Variants in MTA3 observed in about 807,000 individuals in gnomAD.
The protein encoded by MTA3 is metastasis-associated protein MTA3.
Under a neutral mutation model 83.5 loss-of-function variants are expected in MTA3, and 34 were observed. The ratio of observed to expected loss-of-function variants is 0.41; its 90% CI spans 0.31 to 0.54. The LOEUF (loss-of-function observed/expected upper bound fraction) is 0.54. Among genes scored for constraint, MTA3 ranks in the 20% least tolerant of loss-of-function variants. The probability of loss-of-function intolerance (pLI) is 0.33; values close to 1 mark genes in which losing one functional copy is unlikely to be tolerated. For missense variants in MTA3, 761 were observed against 726.4 expected, an observed-to-expected ratio of 1.05 and a Z score of -0.55; for synonymous variants, 303 against 252.7, an observed-to-expected ratio of 1.20 and a Z score of -1.89.
At chr2:42,502,651 A>T (rs1212842660) in intron 2 of MTA3, among the ~76,000 whole-genome samples, 1 of 151,940 alleles carries the variant, frequency 6.6e-6, no homozygotes, top group Non-Finnish European at 1.5e-5. Context: ...ATACAAAATT[A>T]GCCGGTGTAG....
intron 14 of MTA3, 69 bp downstream of exon 14, chr2:42,709,165 C>CT (rs752763597): frequency 3.0e-3 from 3,647 of 1,214,380 alleles, no homozygotes; most frequent in Admixed American, 7.0e-3. Context: ...CCTCTCTTTC[C>CT]TTTTTTTTTT....
At chr2:42,555,231 A>G (rs1677321246) in intron 2 of MTA3, among the ~76,000 whole-genome samples, 1 of 151,962 alleles carries the variant, frequency 6.6e-6, no homozygotes, top group Admixed American at 6.6e-5. Flanking sequence ...TGGGAGGCCT[A>G]GGCGGTGGAT....
intron 4 of MTA3, among the ~76,000 whole-genome samples, chr2:42,609,807 A>G (rs1450291169): frequency 6.6e-6 from 1 of 152,168 alleles, no homozygotes; most frequent in African/African-American, 2.4e-5. Context: ...TTTTAATAAC[A>G]GACTTTCCTG....
intron 4 of MTA3, among the ~76,000 whole-genome samples, chr2:42,616,095 T>C (rs1019148016): frequency 1.3e-5 from 2 of 151,782 alleles, no homozygotes; most frequent in African/African-American, 4.8e-5. Flanking sequence ...AGTTTCACTC[T>C]CATCACCCAG....
intron 11 of MTA3, among the ~76,000 whole-genome samples, chr2:42,698,189 T>C (rs1031383993): frequency 6.6e-6 from 1 of 152,218 alleles, no homozygotes; most frequent in Non-Finnish European, 1.5e-5. Context: ...TGCATACTGC[T>C]CTTTGGAGGT....
intron 14 of MTA3, among the ~76,000 whole-genome samples, chr2:42,714,745 G>A (rs1573732748): frequency 1.3e-5 from 2 of 152,176 alleles, no homozygotes; most frequent in African/African-American, 4.8e-5. Context: ...ATGGTTTTGG[G>A]ATGAAACTGT....
At chr2:42,547,451 G>T (rs541164014) in intron 2 of MTA3, among the ~76,000 whole-genome samples, 4 of 152,326 alleles carry the variant, frequency 2.6e-5, no homozygotes, top group Non-Finnish European at 5.9e-5. Context: ...CCTCAGCCTC[G>T]TAAGTAGTAG....
chr2:42,535,636 GGAA>G (rs1360009890), intron 2 of MTA3, among the ~76,000 whole-genome samples: 1 of 152,166 alleles, frequency 6.6e-6, no homozygotes, highest in African/African-American at 2.4e-5. Context: ...AGAGAGGGTG[GGAA>G]GTGCCTTTTA....
In MTA3 at chr2:42,755,665, T is replaced by TCTGTGC; in HGVS notation, c.*2269_*2274dup. Reference sequence around the variant, plus strand: ...AGGAAGGGTGCCGAGGCGCCTCTAGTCTGTGCCTTTGCCGTTGGAAGCATT... The same window carrying TCTGTGC: ...AGGAAGGGTGCCGAGGCGCCTCTAGTCTGTGCCTGTGCCTTTGCCGTTGGAAGCATT... On this transcript the variant is annotated 3_prime_UTR_variant, in exon 17 of 17. Transcript: ENST00000405094. The TCTGTGC allele has an allele frequency of 4.1e-6, 4 of 985,520 alleles. No homozygotes were observed. Among genetic ancestry groups the TCTGTGC allele is most frequent in the Non-Finnish European group, 4.8e-6 (4 of 829,998 alleles). 61.0% of individuals were successfully genotyped at this position (985,520 alleles called of 1,614,324 possible). A position where few individuals can be genotyped will look rare whatever the true frequency, so the allele number is the denominator to read the frequency against.
At chr2:42,530,825 A>G (rs559464619) in intron 2 of MTA3, among the ~76,000 whole-genome samples, 5 of 152,078 alleles carry the variant, frequency 3.3e-5, no homozygotes, top group Admixed American at 6.6e-5. Flanking sequence ...TTGTGGTAGT[A>G]TTTTTTGTTT....
intron 9 of MTA3, among the ~76,000 whole-genome samples, chr2:42,691,618 G>A (rs1464423061): frequency 6.6e-6 from 1 of 152,082 alleles, no homozygotes; most frequent in Non-Finnish European, 1.5e-5. Context: ...AGCAGGTTTT[G>A]TACCTTCAGA....
intron 2 of MTA3, among the ~76,000 whole-genome samples, chr2:42,572,509 A>G (rs941336702): frequency 5.3e-5 from 8 of 152,046 alleles, no homozygotes; most frequent in African/African-American, 7.2e-5. Context: ...CAGGAGGTCA[A>G]GGCTGCCGTG....
chr2:42,600,534 A>T (rs548905626), intron 3 of MTA3, among the ~76,000 whole-genome samples: 88 of 148,136 alleles, frequency 5.9e-4, no homozygotes, highest in African/African-American at 2.2e-3. Flanking sequence ...TTTCCCATTC[A>T]GGCCCATGTT....
intron 6 of MTA3, among the ~76,000 whole-genome samples, chr2:42,649,041 G>T (rs1275018729): frequency 1.3e-5 from 2 of 152,142 alleles, no homozygotes; most frequent in Non-Finnish European, 2.9e-5. Context: ...TTGTCATGCA[G>T]TTAGCACAGC....
chr2:42,524,324 G>A (rs1462110562), intron 2 of MTA3, among the ~76,000 whole-genome samples: 2 of 150,556 alleles, frequency 1.3e-5, no homozygotes, highest in Non-Finnish European at 3.0e-5. Context: ...TTTTTTAAAT[G>A]GAGTCTCACC....
chr2:42,654,914 C>G (rs1486852850), intron 6 of MTA3, among the ~76,000 whole-genome samples: 2 of 152,302 alleles, frequency 1.3e-5, no homozygotes, highest in Non-Finnish European at 2.9e-5. Context: ...CCACACCCAG[C>G]CTCCTTCTTT....
intron 16 of MTA3, among the ~76,000 whole-genome samples, chr2:42,740,331 C>G (rs1044994875): frequency 6.6e-6 from 1 of 152,176 alleles, no homozygotes; most frequent in African/African-American, 2.4e-5. Flanking sequence ...GACAACATAG[C>G]GAAACCCTGT....
chr2:42,754,099 A>C lies in MTA3; in HGVS notation c.*700A>C. The C allele has an allele frequency of 1.0e-6, 1 of 985,140 alleles. No individual in the cohort carries two copies. Among genetic ancestry groups the C allele is most frequent in the Non-Finnish European group, 1.2e-6 (1 of 829,910 alleles). 61.0% of individuals were successfully genotyped at this position (985,140 alleles called of 1,614,324 possible). On this transcript the variant is annotated 3_prime_UTR_variant, in exon 17 of 17. Transcript: ENST00000405094. ...ATCTGTGTTTTGTGGTTGGAGAGAA[A>C]CTGGTGTTCTGCCCGGCTCTGCTTG...
In MTA3 at chr2:42,656,281, A is replaced by C; in HGVS notation, c.581A>C (p.Asp194Ala). Residue 194 changes from aspartate (D) to alanine (A), a missense_variant, in exon 7 of 17, where the codon GAC becomes GCC. Transcript: ENST00000405094. ...PNSPLTDRQI[D>A]QFLVVARAVG... ...AGCCCACTTACGGATCGACAGATTG[A>C]CCAGTTTTTAGTTGTAGCACGGTGA... 6.2e-7 allele frequency: 1 copy of C among 1,613,522 alleles called. No individual in the cohort carries two copies. Among genetic ancestry groups the C allele is most frequent in the Non-Finnish European group, 8.5e-7 (1 of 1,179,546 alleles).
Sources: gnomAD v4.1 joint callset for allele counts (sites outside exome capture counted in the v4.1 genomes callset) on GRCh38, gnomAD v4.1.1 for gene constraint, MANE v1.5 for transcripts, NCBI Gene and HGNC (gene_info 2026-07-23, HGNC 2026-07-21) for gene names.